Variants in DENND1A observed in about 807,000 individuals in gnomAD.
DENND1A encodes DENN domain-containing protein 1A.
Under a neutral mutation model 113.7 loss-of-function variants are expected in DENND1A, and 51 were observed. The observed-to-expected ratio is 0.45, with a 90% confidence interval of 0.36 to 0.57. The LOEUF (loss-of-function observed/expected upper bound fraction) is 0.57, where lower values mean the gene tolerates loss of function less well. Ranked by LOEUF, DENND1A falls within the 20% of genes least tolerant of loss-of-function variation. The pLI, the probability that DENND1A is intolerant of heterozygous loss-of-function variation, is 0.00. For synonymous variants in DENND1A, 565 were observed against 570.8 expected (o/e 0.99, Z 0.14); for missense variants, 1,258 against 1,395.9 (o/e 0.90, Z 1.57).
intron 4 of DENND1A, among the ~76,000 whole-genome samples, chr9:123,765,704 G>C (rs1011454050): frequency 2.6e-5 from 4 of 152,102 alleles, no homozygotes; most frequent in Non-Finnish European, 5.9e-5. Flanking sequence ...AGCTATCAAG[G>C]GCAAGCAAGT....
Position 123,383,910 on chromosome 9 carries a change from C to T in DENND1A, c.1764G>A (p.Pro588=), listed in dbSNP as rs75693594. The T allele has an allele frequency of 4.4e-6, 7 of 1,581,122 alleles. No homozygotes were observed. The highest frequency in any genetic ancestry group is 2.3e-5 in the East Asian group (1 of 42,896). ...SFFFSAPFEW[P]QPYRTLRESD... ...ACTCCCTGAGTGTCCGATACGGCTG[C>T]GGCCTGTCGGGGACAGAGCAGGCTG... The change falls in exon 23 of 24, where the codon CCG becomes CCA. Residue 588 remains proline, a synonymous_variant. Transcript: ENST00000394215.
chr9:123,609,820 A>C (rs780858414), intron 10 of DENND1A, among the ~76,000 whole-genome samples: 2 of 152,228 alleles, frequency 1.3e-5, no homozygotes, highest in Non-Finnish European at 2.9e-5. Context: ...TACTAGAATC[A>C]AAGAAAATAT....
intron 13 of DENND1A, 95 bp from the exon 14 acceptor site, chr9:123,457,992 T>A: frequency 1.0e-6 from 1 of 967,406 alleles, no homozygotes; most frequent in Admixed American, 2.9e-5. Flanking sequence ...ATCTGCTATT[T>A]TTTTTCTTTT....
chr9:123,442,124 A>G (rs1389564255), intron 18 of DENND1A, among the ~76,000 whole-genome samples: 1 of 152,232 alleles, frequency 6.6e-6, no homozygotes, highest in African/African-American at 2.4e-5. Context: ...ACCAATTACT[A>G]CCATTACTAC....
chr9:123,636,966 A>C (rs1030315608), intron 9 of DENND1A, among the ~76,000 whole-genome samples: 6 of 152,228 alleles, frequency 3.9e-5, no homozygotes, highest in Admixed American at 3.9e-4. Flanking sequence ...CCTGGATTAT[A>C]GGCGTGAGCC....
At chr9:123,571,247 A>G (rs2136343470) in intron 12 of DENND1A, among the ~76,000 whole-genome samples, 1 of 152,356 alleles carries the variant, frequency 6.6e-6, no homozygotes, top group Admixed American at 6.5e-5. Context: ...GCTACTTAAT[A>G]TTGGAACTCC....
At chr9:123,594,923 C>T (rs1256710535) in intron 11 of DENND1A, among the ~76,000 whole-genome samples, 1 of 152,150 alleles carries the variant, frequency 6.6e-6, no homozygotes. Context: ...GGCAAACATT[C>T]AGGTATTCTA....
intron 9 of DENND1A, among the ~76,000 whole-genome samples, chr9:123,638,141 G>A (rs761902175): frequency 1.3e-5 from 2 of 151,976 alleles, no homozygotes; most frequent in Non-Finnish European, 2.9e-5. Context: ...ATTAACCGGG[G>A]CAACAAGCTT....
At chr9:123,629,017 T>C (rs1223724160) in intron 10 of DENND1A, among the ~76,000 whole-genome samples, 1 of 152,218 alleles carries the variant, frequency 6.6e-6, no homozygotes, top group African/African-American at 2.4e-5. Context: ...GTTATCTCCA[T>C]GGCCTCTTGG....
chr9:123,711,505 G>GTATGTATATATA (rs2066605429), intron 5 of DENND1A, among the ~76,000 whole-genome samples: 7 of 62,554 alleles, frequency 1.1e-4, no homozygotes, highest in African/African-American at 6.3e-4. Flanking sequence ...ATATATATAT[G>GTATGTATATATA]TATATATGTA....
intron 15 of DENND1A, among the ~76,000 whole-genome samples, chr9:123,456,343 C>CA (rs1564522373): frequency 7.1e-6 from 1 of 141,112 alleles, no homozygotes; most frequent in Non-Finnish European, 1.6e-5. Flanking sequence ...CCTTCGCTGC[C>CA]AAAGACTGAG....
At chr9:123,620,539 C>A (rs899039871) in intron 10 of DENND1A, among the ~76,000 whole-genome samples, 2 of 152,086 alleles carry the variant, frequency 1.3e-5, no homozygotes, top group East Asian at 3.9e-4. Flanking sequence ...GGATTTGGAC[C>A]CAAGACTTTG....
intron 5 of DENND1A, among the ~76,000 whole-genome samples, chr9:123,700,211 T>A (rs1031100526): frequency 6.6e-6 from 1 of 152,198 alleles, no homozygotes; most frequent in African/African-American, 2.4e-5. Context: ...TTTAAAAAGT[T>A]ATTTTGCCTA....
At chr9:123,454,857 T>C in intron 15 of DENND1A, 78 bp from the exon 16 acceptor site, 1 of 1,412,036 alleles carries the variant, frequency 7.1e-7, no homozygotes, top group South Asian at 1.2e-5. Context: ...TGCTTTTTTT[T>C]TTTTTTTTGA....
chr9:123,539,914 T>C (rs2056155323), intron 13 of DENND1A, among the ~76,000 whole-genome samples: 1 of 151,536 alleles, frequency 6.6e-6, no homozygotes, highest in South Asian at 2.1e-4. Flanking sequence ...CATTACATCA[T>C]CCACTTGATT....
chr9:123,579,367 G>A (rs2058777168), intron 12 of DENND1A, among the ~76,000 whole-genome samples: 1 of 152,148 alleles, frequency 6.6e-6, no homozygotes, highest in South Asian at 2.1e-4. Flanking sequence ...TGAATCTCTA[G>A]GTAATGGGAA....
chr9:123,830,779 T>C lies in DENND1A; in HGVS notation c.89-38149A>G, dbSNP rs905112425. Among the ~76,000 whole-genome samples the C allele has an allele frequency of 9.5e-5, 13 of 136,356 alleles. No homozygotes were observed. In the East Asian group the frequency reaches 2.8e-3, roughly 29 times the overall value. 89.5% of individuals were successfully genotyped at this position (136,356 alleles called of 152,430 possible). On this transcript the variant is annotated intron_variant, in intron 2 of 23. Coordinates refer to ENST00000394215, the MANE Select transcript of DENND1A (RefSeq NM_001352964.2). ...TACTCGGGAGGCTGAGACAGGAGAATCACTTGAACCCGGGAGGCAGAGGTT... is the reference window on the plus strand; with the variant it reads ...TACTCGGGAGGCTGAGACAGGAGAACCACTTGAACCCGGGAGGCAGAGGTT...
At chr9:123,700,345 T>C (rs1399814398) in intron 5 of DENND1A, among the ~76,000 whole-genome samples, 1 of 152,232 alleles carries the variant, frequency 6.6e-6, no homozygotes, top group Non-Finnish European at 1.5e-5. Flanking sequence ...AACTGACATC[T>C]GTATCAGTAA....
chr9:123,903,519 C>T (rs893951055), intron 1 of DENND1A, among the ~76,000 whole-genome samples: 2 of 151,944 alleles, frequency 1.3e-5, no homozygotes, highest in Non-Finnish European at 2.9e-5. Flanking sequence ...GTGCGGGCAC[C>T]GTGCACGAGC....
Sources: allele counts gnomAD v4.1 joint callset (sites outside exome capture counted in the v4.1 genomes callset), GRCh38; gene constraint gnomAD v4.1.1; transcripts MANE v1.5; gene names NCBI Gene and HGNC (gene_info 2026-07-23, HGNC 2026-07-21).